MAST4: variants seen among roughly 807,000 people sequenced by gnomAD.
MAST4 encodes the protein microtubule-associated serine/threonine-protein kinase 4.
MAST4 carries 89 observed loss-of-function variants against 162.7 expected under a neutral mutation model. The observed-to-expected ratio is 0.55, with a 90% CI of 0.46 to 0.65. The LOEUF (loss-of-function observed/expected upper bound fraction) is 0.65, where lower values mean the gene tolerates loss of function less well. Among genes scored for constraint, MAST4 ranks in the 30% least tolerant of loss-of-function variants. The probability of loss-of-function intolerance (pLI) is 0.00; values close to 1 mark genes in which losing one functional copy is unlikely to be tolerated. For missense variants in MAST4, 3,153 were observed against 3,374.0 expected (o/e 0.93, Z 1.62); for synonymous variants, 1,479 against 1,361.1 (o/e 1.09, Z -1.91).
chr5:66,742,295 C>T (rs1326442070), intron 1 of MAST4, among the ~76,000 whole-genome samples: 4 of 152,158 alleles, frequency 2.6e-5, no homozygotes, highest in Admixed American at 2.6e-4. Context: ...CCCGAGGCGG[C>T]CACTGGTTGG....
chr5:66,914,546 G>T (rs982519975), intron 4 of MAST4, among the ~76,000 whole-genome samples: 1 of 151,844 alleles, frequency 6.6e-6, no homozygotes, highest in Admixed American at 6.6e-5. Context: ...AGCATAGAGA[G>T]GGGGTAGAAG....
chr5:66,619,553 A>T (rs1280878576), intron 1 of MAST4, among the ~76,000 whole-genome samples: 1 of 152,148 alleles, frequency 6.6e-6, no homozygotes, highest in East Asian at 1.9e-4. Context: ...CAGGAAGCTC[A>T]TGTATGTGGC....
intron 4 of MAST4, among the ~76,000 whole-genome samples, chr5:66,914,067 T>C (rs1384395187): frequency 6.6e-6 from 1 of 152,206 alleles, no homozygotes; most frequent in Non-Finnish European, 1.5e-5. Flanking sequence ...ATTCCAACTT[T>C]GTTCATCTTT....
intron 1 of MAST4, among the ~76,000 whole-genome samples, chr5:66,672,725 A>G (rs903143668): frequency 6.6e-6 from 1 of 152,172 alleles, no homozygotes; most frequent in African/African-American, 2.4e-5. Flanking sequence ...TGGCCACCAC[A>G]AAGAGTGCTC....
intron 1 of MAST4, among the ~76,000 whole-genome samples, chr5:66,608,708 T>C (rs1206519588): frequency 2.0e-5 from 3 of 151,438 alleles, no homozygotes; most frequent in East Asian, 3.9e-4. Flanking sequence ...TGTGTGGCTT[T>C]TGAAATACTT....
At chr5:66,676,511 T>G (rs1182655070) in intron 1 of MAST4, among the ~76,000 whole-genome samples, 1 of 152,202 alleles carries the variant, frequency 6.6e-6, no homozygotes. Flanking sequence ...ATGGGGTTAG[T>G]GAAAGACTCA....
intron 1 of MAST4, among the ~76,000 whole-genome samples, chr5:66,718,293 A>G (rs1050363754): frequency 6.7e-6 from 1 of 149,908 alleles, no homozygotes; most frequent in Non-Finnish European, 1.5e-5. Flanking sequence ...CACCTTTTAC[A>G]GCTTGTCTTT....
intron 2 of MAST4, among the ~76,000 whole-genome samples, chr5:66,770,393 G>A (rs899387443): frequency 2.0e-5 from 3 of 152,170 alleles, no homozygotes; most frequent in Admixed American, 6.5e-5. Context: ...TTTGGCAGAT[G>A]CTGCCTCCCA....
At chr5:66,795,749 A>C (rs1316717955) in intron 3 of MAST4, among the ~76,000 whole-genome samples, 2 of 152,192 alleles carry the variant, frequency 1.3e-5, no homozygotes, top group South Asian at 2.1e-4. Context: ...TTACCAAACC[A>C]ACTGTTGGTA....
chr5:66,793,256 C>T (rs1580463596), intron 3 of MAST4, among the ~76,000 whole-genome samples: 1 of 152,294 alleles, frequency 6.6e-6, no homozygotes, highest in African/African-American at 2.4e-5. Context: ...CCAGTTCATC[C>T]TAAGTAGCCT....
intron 3 of MAST4, among the ~76,000 whole-genome samples, chr5:66,858,915 C>T (rs942582745): frequency 2.3e-4 from 35 of 152,056 alleles, no homozygotes; most frequent in African/African-American, 8.4e-4. Context: ...ATTTTTATTG[C>T]TATTGTGAAT....
chr5:67,130,471 GTGT>G (rs1042229375), intron 15 of MAST4, 53 bp downstream of exon 15: 1 of 1,578,136 alleles, frequency 6.3e-7, no homozygotes. Flanking sequence ...TTGCTCATTT[GTGT>G]TGTTGAAGCT....
At chr5:66,843,122 A>G (rs1758544156) in intron 3 of MAST4, among the ~76,000 whole-genome samples, 1 of 152,168 alleles carries the variant, frequency 6.6e-6, no homozygotes, top group Admixed American at 6.6e-5. Flanking sequence ...GAACGATTCA[A>G]AACCTCTTTT....
chr5:66,895,125 C>T (rs531401593), intron 3 of MAST4, among the ~76,000 whole-genome samples: 1 of 152,284 alleles, frequency 6.6e-6, no homozygotes, highest in South Asian at 2.1e-4. Flanking sequence ...TCTGCCCAAC[C>T]ATCCTATTGC....
intron 5 of MAST4, among the ~76,000 whole-genome samples, chr5:67,082,365 C>T (rs1762765046): frequency 6.6e-6 from 1 of 152,062 alleles, no homozygotes; most frequent in Non-Finnish European, 1.5e-5. Flanking sequence ...CATCTCTTGA[C>T]CTCGTGATCC....
At position 66,630,496 on chromosome 5, in the gene MAST4, T is replaced by C. The variant is rs151228893; in HGVS notation, c.363+33478T>C. Among the ~76,000 whole-genome samples the C allele has an allele frequency of 9.6e-3, 1,454 of 152,232 alleles. 11 individuals carry two copies. The highest frequency in any genetic ancestry group is 0.014 in the Admixed American group (217 of 15,270). ...CTATCTTGAAAAGGAGAGTTTGTTA[T>C]AGGCAGCATAAACAAAGTTGTAAGG... On this transcript the variant is annotated intron_variant, in intron 1 of 28. Coordinates refer to ENST00000403625, the MANE Select transcript of MAST4 (RefSeq NM_001164664.2).
At chr5:66,659,928 C>T (rs1746795615) in intron 1 of MAST4, among the ~76,000 whole-genome samples, 2 of 151,720 alleles carry the variant, frequency 1.3e-5, no homozygotes, top group African/African-American at 2.4e-5. Context: ...GAAAGTGCCA[C>T]ATGCTTGTGA....
chr5:66,893,641 G>C (rs746387695), intron 3 of MAST4, among the ~76,000 whole-genome samples: 6 of 152,116 alleles, frequency 3.9e-5, no homozygotes, highest in Non-Finnish European at 8.8e-5. Flanking sequence ...GATAATTTAG[G>C]ATTCTCCATC....
intron 4 of MAST4, among the ~76,000 whole-genome samples, chr5:66,979,159 C>T (rs754170643): frequency 1.9e-4 from 29 of 152,172 alleles, no homozygotes; most frequent in Admixed American, 5.2e-4. Context: ...TTAGTAATAT[C>T]GAACCTAAAA....
Sources: allele counts gnomAD v4.1 joint callset (sites outside exome capture counted in the v4.1 genomes callset), GRCh38; gene constraint gnomAD v4.1.1; transcripts MANE v1.5; gene names NCBI Gene and HGNC (gene_info 2026-07-23, HGNC 2026-07-21).